CFH: variants seen among roughly 807,000 people sequenced by gnomAD.
CFH encodes H factor 1 (complement).
Under a neutral mutation model 147.3 loss-of-function variants are expected in CFH, and 53 were observed. That is an observed-to-expected ratio of 0.36 (90% CI 0.29 to 0.45). CFH has a LOEUF of 0.45. Among genes scored for constraint, CFH ranks in the 20% least tolerant of loss-of-function variants. The pLI, the probability that CFH is intolerant of heterozygous loss-of-function variation, is 1.00. For missense variants in CFH, 1,380 were observed against 1,498.0 expected (o/e 0.92, Z 1.30); for synonymous variants, 536 against 489.4 (o/e 1.10, Z -1.26).
intron 9 of CFH, among the ~76,000 whole-genome samples, chr1:196,707,706 A>G (rs1206144265): frequency 6.6e-6 from 1 of 152,210 alleles, no homozygotes; most frequent in Non-Finnish European, 1.5e-5. Flanking sequence ...CCCTATCTGA[A>G]TGGATAAGTA....
intron 11 of CFH, among the ~76,000 whole-genome samples, chr1:196,723,519 C>T (rs1431278587): frequency 6.6e-6 from 1 of 152,072 alleles, no homozygotes; most frequent in Non-Finnish European, 1.5e-5. Context: ...CTGTGCAGTT[C>T]AACATTCAGG....
rs1253873341 is a variant in CFH, at chr1:196,728,535, T to C, written c.2413+13T>C. On this transcript the variant is annotated intron_variant, in intron 15 of 21. Coordinates refer to ENST00000367429, the MANE Select transcript of CFH (RefSeq NM_000186.4). ...GTGAACTGCTCAAGTAAGCTCTTAT[T>C]TTGTTTTCAGAAATGTATTCTATTT... is the stretch of plus-strand genomic sequence containing the variant. 2.5e-6 allele frequency: 4 copies of C among 1,611,614 alleles called. No individual in the cohort carries two copies. Among genetic ancestry groups the C allele is most frequent in the Non-Finnish European group, 3.4e-6 (4 of 1,178,258 alleles).
At chr1:196,694,588 C>T (rs2149092301) in intron 9 of CFH, among the ~76,000 whole-genome samples, 1 of 152,320 alleles carries the variant, frequency 6.6e-6, no homozygotes, top group South Asian at 2.1e-4. Flanking sequence ...ACACTGTCTT[C>T]CACTATGGTT....
At chr1:196,744,308 A>T (rs1228004635) in intron 20 of CFH, among the ~76,000 whole-genome samples, 1 of 151,964 alleles carries the variant, frequency 6.6e-6, no homozygotes, top group East Asian at 1.9e-4. Context: ...GTGCACTTGG[A>T]CCATTTACAC....
At chr1:196,655,112 T>G (rs1666641574) in intron 1 of CFH, among the ~76,000 whole-genome samples, 1 of 151,958 alleles carries the variant, frequency 6.6e-6, no homozygotes. Flanking sequence ...TATTTTAGGA[T>G]AGTTAAATTT....
At chr1:196,737,143 C>A (rs866918924) in intron 16 of CFH, 137 bp downstream of exon 16, 2 of 769,664 alleles carry the variant, frequency 2.6e-6, no homozygotes, top group Non-Finnish European at 2.1e-6. Context: ...GACCTAGGCA[C>A]ATTAATCAAT....
intron 9 of CFH, among the ~76,000 whole-genome samples, chr1:196,707,183 A>C (rs988344717): frequency 2.0e-5 from 3 of 152,184 alleles, no homozygotes; most frequent in African/African-American, 4.8e-5. Context: ...AATTTTAGCT[A>C]AGATTTGCCA....
chr1:196,655,818 G>A (rs1484121573), intron 1 of CFH, among the ~76,000 whole-genome samples: 1 of 152,064 alleles, frequency 6.6e-6, no homozygotes, highest in Non-Finnish European at 1.5e-5. Flanking sequence ...AAAAAGTATT[G>A]CATTTTAGCT....
chr1:196,659,825 C>T (rs1025006467), intron 1 of CFH, among the ~76,000 whole-genome samples: 1 of 152,098 alleles, frequency 6.6e-6, no homozygotes, highest in Non-Finnish European at 1.5e-5. Flanking sequence ...CTCAATAATA[C>T]TCAATACAAT....
intron 11 of CFH, among the ~76,000 whole-genome samples, chr1:196,716,469 A>G (rs1266165004): frequency 6.6e-6 from 1 of 152,156 alleles, no homozygotes; most frequent in African/African-American, 2.4e-5. Flanking sequence ...GAAAACCCAT[A>G]AAAGAGTTTT....
chr1:196,716,268 T>C (rs1416785316), intron 11 of CFH, among the ~76,000 whole-genome samples: 1 of 152,092 alleles, frequency 6.6e-6, no homozygotes, highest in Non-Finnish European at 1.5e-5. Context: ...AAGGATTGGC[T>C]CTGTGGGAAA....
intron 9 of CFH, among the ~76,000 whole-genome samples, chr1:196,693,663 A>G (rs1000529828): frequency 3.3e-5 from 5 of 152,132 alleles, no homozygotes; most frequent in Admixed American, 2.6e-4. Context: ...ACAGGCAGGT[A>G]GTATAAACTG....
intron 2 of CFH, 58 bp from the exon 3 acceptor site, chr1:196,673,799 A>T: frequency 9.5e-7 from 1 of 1,054,392 alleles, no homozygotes; most frequent in Non-Finnish European, 1.5e-6. Context: ...CCCCACTCCT[A>T]CATAAAATAT....
chr1:196,661,628 A>C lies in CFH; in HGVS notation c.58+9453A>C, dbSNP rs562492321. On this transcript the variant is annotated intron_variant, in intron 1 of 21. Coordinates refer to ENST00000367429, the MANE Select transcript of CFH (RefSeq NM_000186.4). ...ACAGCTCCACCTTCACGACCTAATC[A>C]CTTCCCAGTGTCCCCACCTCCTAAT... Among the ~76,000 whole-genome samples, 43 of 152,296 alleles carry C rather than the reference A, an allele frequency of 2.8e-4. No homozygotes were observed. The South Asian group carries it at 8.5e-3, about 30-fold the overall frequency.
chr1:196,742,101 C>G, intron 19 of CFH, 50 bp downstream of exon 19: 3 of 1,575,184 alleles, frequency 1.9e-6, no homozygotes, highest in Non-Finnish European at 2.6e-6. Flanking sequence ...TGGGCCCAGC[C>G]CAGTGGCTGG....
chr1:196,719,799 T>C (rs1030257458), intron 11 of CFH, among the ~76,000 whole-genome samples: 2 of 151,694 alleles, frequency 1.3e-5, no homozygotes, highest in Admixed American at 6.6e-5. Context: ...ATAGTACATA[T>C]AACAAAAATT....
intron 21 of CFH, 123 bp downstream of exon 21, chr1:196,746,122 T>C: frequency 6.4e-7 from 1 of 1,552,630 alleles, no homozygotes; most frequent in Non-Finnish European, 8.8e-7. Flanking sequence ...GCCTACCAAA[T>C]ATTTCTGTCA....
intron 10 of CFH, 82 bp from the exon 11 acceptor site, chr1:196,715,511 C>T: frequency 8.8e-7 from 1 of 1,138,002 alleles, no homozygotes; most frequent in South Asian, 1.2e-5. Flanking sequence ...ATCAATAAAG[C>T]TTTTTCTTCT....
intron 9 of CFH, among the ~76,000 whole-genome samples, chr1:196,690,658 T>A (rs1420585571): frequency 1.3e-5 from 2 of 152,208 alleles, no homozygotes; most frequent in East Asian, 3.9e-4. Context: ...CAGCTTCCTC[T>A]CTTGTGAGAG....
Sources: gnomAD v4.1 joint callset for allele counts (sites outside exome capture counted in the v4.1 genomes callset) on GRCh38, gnomAD v4.1.1 for gene constraint, MANE v1.5 for transcripts, NCBI Gene and HGNC (gene_info 2026-07-23, HGNC 2026-07-21) for gene names.